Variants in COL6A5 observed in about 807,000 individuals in gnomAD.
The protein encoded by COL6A5 is collagen type VI alpha 5 chain.
A neutral mutation model predicts 65.6 loss-of-function variants in COL6A5; 48 were observed. That is an observed-to-expected ratio of 0.73 (90% CI 0.58 to 0.93). The LOEUF is 0.93. COL6A5 is among the 40% of genes least tolerant of loss of function. COL6A5 has a pLI of 0.00. For synonymous variants in COL6A5, 291 were observed against 322.8 expected, an observed-to-expected ratio of 0.90 and a Z score of 1.05; for missense variants, 914 against 928.3, an observed-to-expected ratio of 0.98 and a Z score of 0.20.
At chr3:130,426,587 G>A (rs1305408985), upstream of COL6A5, among the ~76,000 whole-genome samples, 2 of 152,084 alleles carry the variant, frequency 1.3e-5, no homozygotes, top group African/African-American at 2.4e-5. Context: ...GGGGGTATAA[G>A]TAAAAGTGCC....
In COL6A5 at chr3:130,350,346, A is replaced by G. The variant is rs549275723; in HGVS notation, c.-29+4365A>G. 3.0e-4 allele frequency among the ~76,000 whole-genome samples: 45 copies of G among 152,346 alleles called. 1 individual carries two copies. The highest frequency in any genetic ancestry group is 5.3e-4 in the Non-Finnish European group (36 of 68,032). Reference sequence around the variant, plus strand: ...AAGAGAAAGAAATAAAAGGTATTCAATTAGGAAAAGAGGAAGTCAAATTGT... The same window carrying G: ...AAGAGAAAGAAATAAAAGGTATTCAGTTAGGAAAAGAGGAAGTCAAATTGT... On this transcript the variant is annotated intron_variant and NMD_transcript_variant, in intron 1 of 41. Transcript: ENST00000312481.
At chr3:130,421,405 C>G in intron 27 of COL6A5, 45 bp downstream of exon 27, 2 of 1,532,596 alleles carry the variant, frequency 1.3e-6, no homozygotes. Context: ...TCTTAACCTT[C>G]TACTTGAGAA....
chr3:130,480,507 ACTAT>A (rs1710210355), intron 7 of COL6A5, among the ~76,000 whole-genome samples: 1 of 152,114 alleles, frequency 6.6e-6, no homozygotes. Flanking sequence ...AACACTATAA[ACTAT>A]CTGACATTTA....
At chr3:130,476,665 G>A (rs528515758) in intron 7 of COL6A5, among the ~76,000 whole-genome samples, 24 of 151,928 alleles carry the variant, frequency 1.6e-4, no homozygotes, top group African/African-American at 5.3e-4. Flanking sequence ...ATAAATCCTG[G>A]TTGAATCATT....
intron 1 of COL6A5, among the ~76,000 whole-genome samples, chr3:130,353,953 C>T (rs1934818751): frequency 6.6e-6 from 1 of 151,718 alleles, no homozygotes; most frequent in African/African-American, 2.4e-5. Context: ...AGATGAAAGC[C>T]TTCCCAAAGT....
rs561530876 is a variant in COL6A5, at chr3:130,416,836, T to G, written c.4887+17T>G. The G allele has an allele frequency of 2.2e-6, 3 of 1,378,378 alleles. No homozygotes were observed. The highest frequency in any genetic ancestry group is 3.0e-6 in the Non-Finnish European group (3 of 1,011,758). 85.4% of individuals were successfully genotyped at this position (1,378,378 alleles called of 1,614,324 possible). A position where few individuals can be genotyped will look rare whatever the true frequency, so the allele number is the denominator to read the frequency against. The stretch of plus-strand genomic sequence containing the variant: ...GGGAAAAAAGTAGATATTATTTCTG[T>G]TTTTTAATTCTTTTAAAAACATATT... On this transcript the variant is annotated intron_variant and NMD_transcript_variant, in intron 24 of 41. Transcript: ENST00000312481.
intron 3 of COL6A5, among the ~76,000 whole-genome samples, chr3:130,377,561 T>G (rs1427402030): frequency 1.3e-5 from 2 of 152,344 alleles, no homozygotes; most frequent in East Asian, 3.9e-4. Context: ...GGTGCAGTAA[T>G]GCAATGCAGT....
chr3:130,440,280 CTG>C lies in COL6A5; in HGVS notation c.699_700del (p.Val234GlufsTer9). Reference sequence around the variant, plus strand: ...AATATAGCAAAGGATGAGTTTAAGGCTGTGAAAGCCTTGGTGAGCTCAGTGAT... The same window carrying C: ...AATATAGCAAAGGATGAGTTTAAGGCTGAAAGCCTTGGTGAGCTCAGTGAT... On this transcript the variant is annotated frameshift_variant, in exon 3 of 8. Coordinates refer to ENST00000512836, the Ensembl canonical transcript of COL6A5. LOFTEE classifies it high-confidence loss of function. The C allele has an allele frequency of 6.2e-7, 1 of 1,613,292 alleles. No individual in the cohort carries two copies. The highest frequency in any genetic ancestry group is 1.6e-4 in the Middle Eastern group (1 of 6,062).
At chr3:130,385,685 G>A (rs777540672) in intron 5 of COL6A5, among the ~76,000 whole-genome samples, 12 of 152,120 alleles carry the variant, frequency 7.9e-5, no homozygotes, top group Admixed American at 4.6e-4. Flanking sequence ...GTGTGTGTAT[G>A]TATGTGCATA....
At chr3:130,483,544 G>A (rs1710303363) in intron 7 of COL6A5, among the ~76,000 whole-genome samples, 1 of 152,160 alleles carries the variant, frequency 6.6e-6, no homozygotes, top group African/African-American at 2.4e-5. Context: ...TGTAGTTAAA[G>A]CAGGTCAAGT....
exon 23 of COL6A5, chr3:130,415,645 G>A: frequency 7.1e-6 from 11 of 1,547,684 alleles, no homozygotes; most frequent in Non-Finnish European, 9.6e-6. Flanking sequence ...ACCACTAAAG[G>A]GGTCACAGGG....
chr3:130,426,573 G>A (rs1029832102), upstream of COL6A5, among the ~76,000 whole-genome samples: 6 of 152,120 alleles, frequency 3.9e-5, no homozygotes, highest in African/African-American at 1.4e-4. Flanking sequence ...AAGGAGAGAG[G>A]AAAGGGGGTA....
intron 1 of COL6A5, among the ~76,000 whole-genome samples, chr3:130,438,775 C>A (rs1018476558): frequency 6.6e-6 from 1 of 152,238 alleles, no homozygotes; most frequent in Non-Finnish European, 1.5e-5. Context: ...ATAAAAGTAT[C>A]TGTTTTGCAT....
At chr3:130,423,782 A>G in intron 28 of COL6A5, 56 bp from the exon 29 acceptor site, 1 of 1,316,398 alleles carries the variant, frequency 7.6e-7, no homozygotes, top group South Asian at 1.4e-5. Context: ...AAACTGAAGT[A>G]GTCCCCATAG....
chr3:130,375,080 G>A (rs183982296), intron 2 of COL6A5, among the ~76,000 whole-genome samples: 6 of 152,258 alleles, frequency 3.9e-5, no homozygotes, highest in Admixed American at 1.3e-4. Flanking sequence ...GGAGCAGCAC[G>A]GCTGACCATG....
rs148375232 is a variant in COL6A5, at chr3:130,397,983, A to C, written c.3910-47A>C. 2.5e-5 allele frequency: 38 copies of C among 1,544,006 alleles called. No individual in the cohort carries two copies. In the African/African-American group the frequency reaches 3.8e-4, roughly 16 times the overall value. ...TTCTCCCATTTGTTCTTCATTCCCC[A>C]ATTATATATTTAGCTTTTACACCAT... On this transcript the variant is annotated intron_variant and NMD_transcript_variant, in intron 9 of 41. Transcript: ENST00000312481.
At chr3:130,383,362 G>A (rs1378649404) in intron 4 of COL6A5, among the ~76,000 whole-genome samples, 1 of 152,000 alleles carries the variant, frequency 6.6e-6, no homozygotes, top group East Asian at 1.9e-4. Context: ...CACAGCCCTA[G>A]GCAGGGATGA....
upstream of COL6A5, among the ~76,000 whole-genome samples, chr3:130,428,397 A>G (rs2107691118): frequency 6.6e-6 from 1 of 152,222 alleles, no homozygotes; most frequent in East Asian, 1.9e-4. Context: ...CTGTCTTTGG[A>G]AAATAAAAGA....
At chr3:130,351,178 A>G (rs1393681727) in intron 1 of COL6A5, among the ~76,000 whole-genome samples, 1 of 152,266 alleles carries the variant, frequency 6.6e-6, no homozygotes, top group African/African-American at 2.4e-5. Flanking sequence ...TGGATTAAAG[A>G]TTTAAATGTT....
Sources: gnomAD v4.1 joint callset for allele counts (sites outside exome capture counted in the v4.1 genomes callset) on GRCh38, gnomAD v4.1.1 for gene constraint, MANE v1.5 for transcripts, NCBI Gene and HGNC (gene_info 2026-07-23, HGNC 2026-07-21) for gene names.